TRAF2: variants seen among roughly 807,000 people sequenced by gnomAD.
The protein encoded by TRAF2 is TNF receptor associated factor 2.
A neutral mutation model predicts 55.6 loss-of-function variants in TRAF2; 6 were observed. The observed-to-expected ratio is 0.11, with a 90% CI of 0.06 to 0.21. The LOEUF (loss-of-function observed/expected upper bound fraction) is 0.21, where lower values mean the gene tolerates loss of function less well. Ranked by LOEUF, TRAF2 falls within the 10% of genes least tolerant of loss-of-function variation. The pLI is 1.00. For synonymous variants in TRAF2, 329 were observed against 276.3 expected (o/e 1.19, Z -1.89); for missense variants, 561 against 684.5 (o/e 0.82, Z 2.01).
chr9:136,920,683 A>G (rs1016653420), intron 8 of TRAF2, among the ~76,000 whole-genome samples, 168 bp downstream of exon 8: 1 of 152,150 alleles, frequency 6.6e-6, no homozygotes, highest in African/African-American at 2.4e-5. Flanking sequence ...GGCCCCCTTC[A>G]TTTCTGAGTC....
upstream of TRAF2, chr9:136,886,347 TC>T: frequency 2.1e-6 from 2 of 969,928 alleles, no homozygotes; most frequent in Non-Finnish European, 2.5e-6. Flanking sequence ...GCTGGTTGGC[TC>T]CGGCGTCAGT....
At chr9:136,905,772 A>C (rs1182909133) in intron 4 of TRAF2, among the ~76,000 whole-genome samples, 1 of 152,114 alleles carries the variant, frequency 6.6e-6, no homozygotes, top group Non-Finnish European at 1.5e-5. Context: ...TTAGGTGGGC[A>C]GATTGCTTGA....
At chr9:136,902,004 A>G (rs1361164470) in intron 4 of TRAF2, 2 of 152,254 alleles carry the variant, frequency 1.3e-5, no homozygotes, top group Non-Finnish European at 2.9e-5. Context: ...TGGGGTGAAC[A>G]AGATGTGCTT....
intron 6 of TRAF2, among the ~76,000 whole-genome samples, chr9:136,914,009 A>G (rs1404944213): frequency 2.0e-5 from 3 of 152,184 alleles, no homozygotes; most frequent in Non-Finnish European, 2.9e-5. Flanking sequence ...ATGGCCAAAC[A>G]GCCCAGAAGC....
chr9:136,919,449 C>T (rs1169263419), intron 7 of TRAF2, among the ~76,000 whole-genome samples: 4 of 151,966 alleles, frequency 2.6e-5, no homozygotes, highest in African/African-American at 9.7e-5. Flanking sequence ...GCGTGCACCA[C>T]CACGCCCTGC....
chr9:136,910,122 G>A, intron 6 of TRAF2, 128 bp downstream of exon 6: 1 of 1,023,530 alleles, frequency 9.8e-7, no homozygotes, highest in South Asian at 1.4e-5. Context: ...CAAAGCCCCT[G>A]TAACGTTGGG....
chr9:136,888,304 G>A (rs1363337918), intron 1 of TRAF2, among the ~76,000 whole-genome samples: 1 of 152,158 alleles, frequency 6.6e-6, no homozygotes, highest in East Asian at 1.9e-4. Flanking sequence ...TGCCATTGAC[G>A]CCTGTAGTCC....
At chr9:136,910,188 G>T in intron 6 of TRAF2, 194 bp downstream of exon 6, 1 of 628,822 alleles carries the variant, frequency 1.6e-6, no homozygotes, top group Non-Finnish European at 2.8e-6. Context: ...GGGCCAGGTG[G>T]CTGAGTCCCG....
At chr9:136,924,964 C>G (rs931365674) in intron 10 of TRAF2, among the ~76,000 whole-genome samples, 5 of 152,194 alleles carry the variant, frequency 3.3e-5, no homozygotes, top group African/African-American at 1.2e-4. Context: ...GTCTTGATCT[C>G]CTGACCTTGT....
chr9:136,911,264 CTTTTTTTT>C (rs34077067), intron 6 of TRAF2, among the ~76,000 whole-genome samples: 1 of 122,566 alleles, frequency 8.2e-6, no homozygotes, highest in Non-Finnish European at 1.7e-5. Flanking sequence ...TCCTTCCCGT[CTTTTTTTT>C]TTTTTTTTTT....
intron 6 of TRAF2, among the ~76,000 whole-genome samples, chr9:136,910,539 C>T (rs568228429): frequency 1.3e-5 from 2 of 152,300 alleles, no homozygotes; most frequent in East Asian, 3.9e-4. Context: ...GGAAATAATA[C>T]GCATGGAAAC....
chr9:136,903,508 A>G (rs1170698809), intron 4 of TRAF2, among the ~76,000 whole-genome samples: 1 of 150,938 alleles, frequency 6.6e-6, no homozygotes, highest in African/African-American at 2.4e-5. Flanking sequence ...TCAAATGTGT[A>G]GTTTGAATTC....
rs1417076388 is a variant in TRAF2, at chr9:136,909,925, C to G, written c.534C>G (p.His178Gln). The G allele has an allele frequency of 6.2e-7, 1 of 1,614,080 alleles. No homozygotes were observed. ...APCCGADVKA[H>Q]HEVCPKFPLT... ...CCTGATCCCTTCTTTTGAAGGCGCACCACGAGGTCTGCCCCAAGTTCCCCT... is the reference window on the plus strand; with the variant it reads ...CCTGATCCCTTCTTTTGAAGGCGCAGCACGAGGTCTGCCCCAAGTTCCCCT... The change falls in exon 6 of 11, where the codon CAC (histidine) becomes CAG (glutamine). Residue 178 changes from histidine to glutamine, a missense_variant. Transcript: ENST00000247668.
chr9:136,901,748 A>AGC (rs888554101), intron 4 of TRAF2, among the ~76,000 whole-genome samples: 14 of 152,130 alleles, frequency 9.2e-5, no homozygotes, highest in African/African-American at 3.4e-4. Flanking sequence ...CCCGGGCCAG[A>AGC]GCTGGGATCT....
At chr9:136,909,351 G>A (rs972491451) in intron 5 of TRAF2, among the ~76,000 whole-genome samples, 17 of 148,966 alleles carry the variant, frequency 1.1e-4, no homozygotes, top group African/African-American at 2.5e-5. Context: ...CAGGGTTCCT[G>A]CCTTTGGTGG....
upstream of TRAF2, among the ~76,000 whole-genome samples, chr9:136,882,965 G>A (rs1849391644): frequency 1.3e-5 from 2 of 152,216 alleles, no homozygotes. Flanking sequence ...CCGCCTCGCA[G>A]GTTCAAGCGA....
At chr9:136,910,121 TGTAAC>T in intron 6 of TRAF2, 127 bp downstream of exon 6, 1 of 1,048,826 alleles carries the variant, frequency 9.5e-7, no homozygotes, top group Admixed American at 2.0e-5. Flanking sequence ...GCAAAGCCCC[TGTAAC>T]GTTGGGTCAT....
intron 3 of TRAF2, 120 bp downstream of exon 3, chr9:136,899,792 A>G (rs1849772414): frequency 2.3e-6 from 2 of 880,948 alleles, no homozygotes; most frequent in African/African-American, 1.7e-5. Context: ...TGGGAGGCCC[A>G]GGTAGGGGGA....
At chr9:136,910,065 TG>T in intron 6 of TRAF2, 71 bp downstream of exon 6, 1 of 1,376,620 alleles carries the variant, frequency 7.3e-7, no homozygotes, top group Non-Finnish European at 1.0e-6. Context: ...GTCCCGTGGG[TG>T]GGGGTGGGGC....
Sources: gnomAD v4.1 joint callset for allele counts (sites outside exome capture counted in the v4.1 genomes callset) on GRCh38, gnomAD v4.1.1 for gene constraint, MANE v1.5 for transcripts, NCBI Gene and HGNC (gene_info 2026-07-23, HGNC 2026-07-21) for gene names.